The following ATP1A3 variants were observed in gnomAD, a reference collection of about 807,000 sequenced individuals.
The protein encoded by ATP1A3 is sodium/potassium-transporting ATPase subunit alpha-3.
ATP1A3 carries 12 observed loss-of-function variants against 108.8 expected under a neutral mutation model. The observed-to-expected ratio is 0.11, with a 90% confidence interval of 0.07 to 0.18. The LOEUF is 0.18. Ranked by LOEUF, ATP1A3 falls within the 10% of genes least tolerant of loss-of-function variation. The pLI is 1.00. For synonymous variants in ATP1A3, 539 were observed against 564.5 expected, an observed-to-expected ratio of 0.95 and a Z score of 0.64; for missense variants, 498 against 1,387.7, an observed-to-expected ratio of 0.36 and a Z score of 10.19.
chr19:41,968,720 A>G lies in ATP1A3; in HGVS notation c.2819+65T>C. ...AAAGCAAGGACACAAGAGGAAGTAC[A>G]CAGACAGACAGACACTCGGACAGGA... On this transcript the variant is annotated intron_variant, in intron 20 of 22. Coordinates refer to ENST00000648268, the MANE Select transcript of ATP1A3 (RefSeq NM_152296.5). The surrounding 1 kb of genome is among the most constrained non-coding windows in gnomAD (Gnocchi z 5.0). 3.1e-6 allele frequency: 5 copies of G among 1,606,004 alleles called. No individual in the cohort carries two copies. In the South Asian group the frequency reaches 4.4e-5, roughly 14 times the overall value.
intron 4 of ATP1A3, among the ~76,000 whole-genome samples, chr19:41,987,719 C>A (rs1452555113): frequency 6.6e-6 from 1 of 152,192 alleles, no homozygotes; most frequent in African/African-American, 2.4e-5. Context: ...CCCCGGCTCA[C>A]ACATCCTGCT....
rs1378842027 is a variant in ATP1A3 at position 41,968,959 on chromosome 19, C to G, written c.2689-44G>C. 6.2e-7 allele frequency: 1 copy of G among 1,612,588 alleles called. No homozygotes were observed. The highest frequency in any genetic ancestry group is 1.3e-5 in the African/African-American group (1 of 74,912). On this transcript the variant is annotated intron_variant, in intron 19 of 22. Coordinates refer to ENST00000648268, the MANE Select transcript of ATP1A3 (RefSeq NM_152296.5). This position sits in a 1 kb window ranked among gnomAD's most constrained non-coding sequence, Gnocchi z 5.0. ...GGGCACGGGACGTCAGTTAGTGGCA[C>G]TGCAGCCCTAGCCGCCACCCCGACG...
chr19:41,993,269 G>T, intron 1 of ATP1A3: 3 of 989,156 alleles, frequency 3.0e-6, no homozygotes, highest in Non-Finnish European at 4.6e-6. Flanking sequence ...GGCGGCATCT[G>T]CTGGAGAGAC....
intron 4 of ATP1A3, 30 bp from the exon 5 acceptor site, chr19:41,986,259 G>A: frequency 6.2e-7 from 1 of 1,606,768 alleles, no homozygotes; most frequent in Non-Finnish European, 8.5e-7. Flanking sequence ...TGTTGATCAG[G>A]GGCCGCCCAA....
In ATP1A3 at chr19:41,988,201, C is replaced by T; in HGVS notation, c.154-62G>A. On this transcript the variant is annotated intron_variant, in intron 3 of 22. Transcript: ENST00000648268. This position sits in a 1 kb window ranked among gnomAD's most constrained non-coding sequence, Gnocchi z 5.3. The stretch of plus-strand genomic sequence containing the variant: ...GCAACCCTGGCACCCCAGGCCTTCA[C>T]CAGACCCCCAGAACTTAAGACACCA... The T allele has an allele frequency of 6.2e-7, 1 of 1,612,542 alleles. No homozygotes were observed. Among genetic ancestry groups the T allele is most frequent in the South Asian group, 1.1e-5 (1 of 91,038 alleles).
chr19:41,977,596 A>G (rs1412386540), intron 14 of ATP1A3, among the ~76,000 whole-genome samples: 1 of 151,844 alleles, frequency 6.6e-6, no homozygotes, highest in Non-Finnish European at 1.5e-5. Context: ...GCTACTCAAG[A>G]GGCTGAGGCA....
chr19:41,987,837 G>A, intron 4 of ATP1A3, 99 bp downstream of exon 4: 1 of 1,413,504 alleles, frequency 7.1e-7, no homozygotes, highest in South Asian at 1.1e-5. Context: ...AAGGGGGAGA[G>A]TGGGCTGTGA....
At position 41,980,783 on chromosome 19, in the gene ATP1A3, C is replaced by T. The variant is rs549778813; in HGVS notation, c.1437+719G>A. Reference sequence around the variant, plus strand: ...AAAATTAGCTGGGCATGGTGGCGGGCGCCTGTAGTCCCAGCTATTCTGGAG... The same window carrying T: ...AAAATTAGCTGGGCATGGTGGCGGGTGCCTGTAGTCCCAGCTATTCTGGAG... On this transcript the variant is annotated intron_variant, in intron 11 of 22. Transcript: ENST00000648268. Among the ~76,000 whole-genome samples, 32 of 151,900 alleles carry T rather than the reference C, an allele frequency of 2.1e-4. No homozygotes were observed. In the East Asian group the frequency reaches 3.9e-3, roughly 19 times the overall value.
At chr19:41,990,405 A>C (rs1444894633) in intron 1 of ATP1A3, among the ~76,000 whole-genome samples, 4 of 80,998 alleles carry the variant, frequency 4.9e-5, no homozygotes, top group East Asian at 3.2e-4. Context: ...CCTTCCCCAT[A>C]TATCTCTCAT....
rs114023723 is a variant in ATP1A3, at chr19:41,969,246, A to G, written c.2688+189T>C. The stretch of plus-strand genomic sequence containing the variant: ...AAGGCCTGGCAGGGCAGAGAGCTCC[A>G]GCAGTGGGACACAAGGCTCCAGATG... On this transcript the variant is annotated intron_variant, in intron 19 of 22. Transcript: ENST00000648268. 0.013 allele frequency among the ~76,000 whole-genome samples: 1,995 copies of G among 152,262 alleles called. 43 individuals carry two copies. Among genetic ancestry groups the G allele is most frequent in the African/African-American group, 0.042 (1,729 of 41,560 alleles).
chr19:41,975,950 G>C (rs544243337), intron 15 of ATP1A3, among the ~76,000 whole-genome samples, 153 bp from the exon 16 acceptor site: 4 of 150,264 alleles, frequency 2.7e-5, no homozygotes, highest in African/African-American at 9.8e-5. Context: ...AGGAGTTCAG[G>C]CCTCCAGACC....
At chr19:41,986,592 C>A in intron 4 of ATP1A3, 1 of 296,202 alleles carries the variant, frequency 3.4e-6, no homozygotes, top group South Asian at 3.2e-5. Context: ...CAGGTGCATG[C>A]CACCACACCT....
chr19:41,977,849 G>A (rs1228983047), intron 14 of ATP1A3, 87 bp downstream of exon 14: 2 of 1,559,380 alleles, frequency 1.3e-6, no homozygotes, highest in Admixed American at 1.7e-5. Context: ...GGGACAGGCA[G>A]TGCAGAGGGA....
Position 41,967,817 on chromosome 19 carries a change from C to T in ATP1A3, c.2820-54G>A. 1 of 1,534,258 alleles carries T rather than the reference C, an allele frequency of 6.5e-7. No homozygotes were observed. The highest frequency in any genetic ancestry group is 2.3e-5 in the East Asian group (1 of 43,716). ...CCAGAGAGCACCCACCCTGCACCTG[C>T]CACCCCGCAGAGACAGGGGGAGGCA... On this transcript the variant is annotated intron_variant, in intron 20 of 22. Transcript: ENST00000648268. This position sits in a 1 kb window ranked among gnomAD's most constrained non-coding sequence, Gnocchi z 4.2.
At position 41,970,267 on chromosome 19, in the gene ATP1A3, G is replaced by A. The variant is rs1555859520; in HGVS notation, c.2460C>T (p.Asp820=). 1 of 1,614,086 alleles carries A rather than the reference G, an allele frequency of 6.2e-7. No individual in the cohort carries two copies. Among genetic ancestry groups the A allele is most frequent in the Non-Finnish European group, 8.5e-7 (1 of 1,180,046 alleles). Residue 820 remains aspartate (D), a synonymous_variant, in exon 18 of 23, where the codon GAC becomes GAT. Coordinates refer to ENST00000648268, the MANE Select transcript of ATP1A3 (RefSeq NM_152296.5). Reference sequence around the variant, plus strand: ...GGTTCCTGGGCTGTCTCTTCATGATGTCGCTTTCGGCAGCCTCGTACGCCA... The same window carrying A: ...GGTTCCTGGGCTGTCTCTTCATGATATCGCTTTCGGCAGCCTCGTACGCCA... ...ISLAYEAAES[D]IMKRQPRNPR... is the part of the protein sequence containing the mutation.
chr19:41,989,001 G>C (rs970624964), intron 1 of ATP1A3, among the ~76,000 whole-genome samples: 2 of 152,110 alleles, frequency 1.3e-5, no homozygotes, highest in Non-Finnish European at 2.9e-5. Context: ...CTGGAGTGCA[G>C]CAATCACAGC....
intron 16 of ATP1A3, among the ~76,000 whole-genome samples, chr19:41,971,670 T>C (rs1350122870): frequency 1.3e-5 from 2 of 152,106 alleles, no homozygotes; most frequent in African/African-American, 4.8e-5. Context: ...CAACTCCAAC[T>C]GGAGCAGGCT....
rs1555860799 is a variant in ATP1A3 at position 41,975,675 on chromosome 19, G to A, written c.2217C>T (p.Ile739=). Residue 739 remains isoleucine, a synonymous_variant, in exon 16 of 23, where the codon ATC becomes ATT. Transcript: ENST00000648268. The part of the protein sequence containing the change: ...SDVSKQAADM[I]LLDDNFASIV... ...TGGAGGCAAAGTTGTCGTCCAGCAG[G>A]ATCATGTCAGCTGCCTGCTTGGAGA... 1 of 1,614,120 alleles carries A rather than the reference G, an allele frequency of 6.2e-7. No individual in the cohort carries two copies. Among genetic ancestry groups the A allele is most frequent in the South Asian group, 1.1e-5 (1 of 91,080 alleles).
chr19:41,976,248 C>T (rs1291935848), intron 15 of ATP1A3, among the ~76,000 whole-genome samples, 168 bp downstream of exon 15: 1 of 147,840 alleles, frequency 6.8e-6, no homozygotes, highest in Non-Finnish European at 1.5e-5. Flanking sequence ...GTCCCCAGCC[C>T]CCTCCTCCCT....
Sources: gnomAD v4.1 joint callset for allele counts (sites outside exome capture counted in the v4.1 genomes callset) on GRCh38, gnomAD v4.1.1 for gene constraint, Gnocchi (gnomAD v3.1) non-coding constraint, MANE v1.5 for transcripts, NCBI Gene and HGNC (gene_info 2026-07-23, HGNC 2026-07-21) for gene names.